Variants in PTPRD observed in about 807,000 individuals in gnomAD.
PTPRD encodes receptor-type tyrosine-protein phosphatase delta.
A neutral mutation model predicts 214.5 loss-of-function variants in PTPRD; 34 were observed. The ratio of observed to expected loss-of-function variants is 0.16; its 90% CI spans 0.12 to 0.21. The LOEUF is 0.21. Among genes scored for constraint, PTPRD ranks in the 10% least tolerant of loss-of-function variants. PTPRD has a pLI of 1.00. For synonymous variants in PTPRD, 1,128 were observed against 845.7 expected, an observed-to-expected ratio of 1.33 and a Z score of -5.79; for missense variants, 2,545 against 2,398.7, an observed-to-expected ratio of 1.06 and a Z score of -1.27.
chr9:9,113,272 G>A (rs964664694), intron 10 of PTPRD, among the ~76,000 whole-genome samples: 3 of 151,988 alleles, frequency 2.0e-5, no homozygotes, highest in African/African-American at 7.2e-5. Flanking sequence ...ACCATGCCCA[G>A]CCATACTTCA....
intron 7 of PTPRD, among the ~76,000 whole-genome samples, chr9:9,726,505 T>C (rs1235762191): frequency 6.6e-6 from 1 of 152,220 alleles, no homozygotes; most frequent in African/African-American, 2.4e-5. Context: ...TTTAGGAAGA[T>C]GCTATGTTAT....
chr9:9,327,890 G>A (rs954958371), intron 9 of PTPRD, among the ~76,000 whole-genome samples: 165 of 138,426 alleles, frequency 1.2e-3, no homozygotes, highest in African/African-American at 4.2e-3. Context: ...TAACACTAAC[G>A]ATAGTTGATG....
At chr9:9,685,172 T>C (rs2097145674) in intron 7 of PTPRD, among the ~76,000 whole-genome samples, 1 of 151,352 alleles carries the variant, frequency 6.6e-6, no homozygotes, top group African/African-American at 2.4e-5. Flanking sequence ...ACTTAGAAGA[T>C]AAAATGTGAA....
chr9:9,164,065 C>T (rs904568411), intron 10 of PTPRD, among the ~76,000 whole-genome samples: 4 of 151,988 alleles, frequency 2.6e-5, no homozygotes, highest in Non-Finnish European at 5.9e-5. Context: ...ATTATTATGC[C>T]TATTATATTA....
chr9:10,524,802 A>AGG (rs1199436800), intron 2 of PTPRD, among the ~76,000 whole-genome samples: 1 of 152,046 alleles, frequency 6.6e-6, no homozygotes, highest in Non-Finnish European at 1.5e-5. Flanking sequence ...ATACTATTAT[A>AGG]GGCTATTTTT....
intron 4 of PTPRD, among the ~76,000 whole-genome samples, chr9:10,006,319 A>G (rs558301486): frequency 2.0e-4 from 30 of 151,796 alleles, no homozygotes; most frequent in Non-Finnish European, 4.0e-4. Flanking sequence ...CTCTAGTCCC[A>G]TTATTACAAT....
chr9:9,210,360 G>A (rs375334758), intron 9 of PTPRD, among the ~76,000 whole-genome samples: 17 of 152,054 alleles, frequency 1.1e-4, no homozygotes, highest in Non-Finnish European at 2.1e-4. Context: ...GAATCACTGC[G>A]TTTTCCACAT....
At chr9:9,547,869 G>A (rs1322414350) in intron 8 of PTPRD, among the ~76,000 whole-genome samples, 1 of 149,262 alleles carries the variant, frequency 6.7e-6, no homozygotes, top group East Asian at 2.0e-4. Flanking sequence ...TGCTAAAAAT[G>A]AAACATAATG....
chr9:10,202,671 G>GAGATATATAGATATATAT (rs376695815), intron 3 of PTPRD, among the ~76,000 whole-genome samples: 1 of 113,128 alleles, frequency 8.8e-6, no homozygotes, highest in African/African-American at 3.6e-5. Flanking sequence ...AAATTATATG[G>GAGATATATAGATATATAT]ATATATATAT....
chr9:9,479,347 G>GCACACA lies in PTPRD; in HGVS notation c.-236-81871_-236-81866dup, dbSNP rs5896339. Among the ~76,000 whole-genome samples, 1,065 of 146,776 alleles carry GCACACA rather than the reference G, an allele frequency of 7.3e-3. 14 individuals are homozygous for GCACACA. Among genetic ancestry groups the GCACACA allele is most frequent in the African/African-American group, 0.023 (937 of 40,054 alleles). On this transcript the variant is annotated intron_variant, in intron 8 of 45. Transcript: ENST00000381196. Reference sequence around the variant, plus strand: ...CCTTCGAGAAAATGTGAAAACTGATGCACACACACACACACACACACACAC... The same window carrying GCACACA: ...CCTTCGAGAAAATGTGAAAACTGATGCACACACACACACACACACACACACACACAC...
chr9:10,003,631 C>T (rs961065612), intron 4 of PTPRD, among the ~76,000 whole-genome samples: 4 of 151,308 alleles, frequency 2.6e-5, no homozygotes, highest in African/African-American at 9.7e-5. Context: ...CTAAAATAAC[C>T]CAATAAGATT....
At chr9:8,486,580 TATC>T in intron 27 of PTPRD, 1 of 667,248 alleles carries the variant, frequency 1.5e-6, no homozygotes, top group South Asian at 1.5e-5. Flanking sequence ...AAACAGAAAT[TATC>T]ATTGAAACAA....
chr9:8,416,399 T>C (rs557502724), intron 35 of PTPRD, among the ~76,000 whole-genome samples: 2 of 152,308 alleles, frequency 1.3e-5, no homozygotes, highest in East Asian at 1.9e-4. Context: ...TTTATTTCCT[T>C]ATGTTTACTA....
intron 2 of PTPRD, among the ~76,000 whole-genome samples, chr9:10,414,235 T>C (rs773482184): frequency 1.3e-5 from 2 of 151,568 alleles, no homozygotes; most frequent in Non-Finnish European, 3.0e-5. Flanking sequence ...CTAGCGTCTA[T>C]AGGGAACTTA....
chr9:8,483,278 CT>C (rs1326454864), intron 30 of PTPRD, among the ~76,000 whole-genome samples: 1 of 152,118 alleles, frequency 6.6e-6, no homozygotes, highest in African/African-American at 2.4e-5. Flanking sequence ...TCATTTTTAA[CT>C]TTAACTTTTT....
chr9:9,312,540 T>C (rs1959459177), intron 9 of PTPRD, among the ~76,000 whole-genome samples: 1 of 152,158 alleles, frequency 6.6e-6, no homozygotes, highest in Admixed American at 6.6e-5. Context: ...CTGGATACTC[T>C]GGTTTCCGCC....
intron 3 of PTPRD, among the ~76,000 whole-genome samples, chr9:10,316,660 G>A (rs2096441673): frequency 6.6e-6 from 1 of 151,870 alleles, no homozygotes. Context: ...TAAATTAGAA[G>A]ATTTTTAATG....
chr9:9,424,409 T>C (rs538145937), intron 8 of PTPRD, among the ~76,000 whole-genome samples: 1 of 152,292 alleles, frequency 6.6e-6, no homozygotes, highest in African/African-American at 2.4e-5. Flanking sequence ...CGGTCACTGG[T>C]TGAAGGTGAA....
intron 2 of PTPRD, among the ~76,000 whole-genome samples, chr9:10,516,357 C>A (rs567464608): frequency 2.0e-5 from 3 of 151,910 alleles, no homozygotes; most frequent in Admixed American, 2.0e-4. Context: ...ATCTGTTAGC[C>A]ATTTTTATGT....
Sources: allele counts gnomAD v4.1 joint callset (sites outside exome capture counted in the v4.1 genomes callset), GRCh38; gene constraint gnomAD v4.1.1; transcripts MANE v1.5; gene names NCBI Gene and HGNC (gene_info 2026-07-23, HGNC 2026-07-21).